The following ANKMY1 variants were observed in gnomAD, a reference collection of about 807,000 sequenced individuals.
ANKMY1 encodes ankyrin repeat and MYND domain-containing protein 1.
ANKMY1 carries 98 observed loss-of-function variants against 102.0 expected under a neutral mutation model. That is an observed-to-expected ratio of 0.96 (90% CI 0.82 to 1.14). The LOEUF (loss-of-function observed/expected upper bound fraction) is 1.14, where lower values mean the gene tolerates loss of function less well. ANKMY1 is among the 50% of genes most tolerant of loss of function. The pLI is 0.00. For synonymous variants in ANKMY1, 582 were observed against 559.9 expected, an observed-to-expected ratio of 1.04 and a Z score of -0.56; for missense variants, 1,330 against 1,347.6, an observed-to-expected ratio of 0.99 and a Z score of 0.20.
intron 5 of ANKMY1, 45 bp downstream of exon 5, chr2:240,528,992 G>A: frequency 1.3e-6 from 2 of 1,579,312 alleles, no homozygotes; most frequent in Non-Finnish European, 1.7e-6. Flanking sequence ...AGGGCAGCCT[G>A]CACAGTGCAC....
intron 4 of ANKMY1, among the ~76,000 whole-genome samples, chr2:240,551,295 A>G (rs1029298247): frequency 6.6e-6 from 1 of 152,156 alleles, no homozygotes; most frequent in African/African-American, 2.4e-5. Flanking sequence ...AATTTGAGTC[A>G]TATTTCTCTC....
chr2:240,547,980 A>T (rs966800230), intron 4 of ANKMY1, among the ~76,000 whole-genome samples: 1 of 152,238 alleles, frequency 6.6e-6, no homozygotes. Flanking sequence ...TCGAATCAAT[A>T]AAAAAAGAGG....
the ANKMY1 span, among the ~76,000 whole-genome samples, chr2:240,469,994 A>T: frequency 2.6e-4 from 39 of 152,230 alleles, no homozygotes; most frequent in African/African-American, 8.7e-4. Context: ...GTAGACAGGT[A>T]CACATGCCCA....
At chr2:240,500,256 G>C (rs1170298913) in intron 14 of ANKMY1, 133 bp from the exon 15 acceptor site, 7 of 1,258,812 alleles carry the variant, frequency 5.6e-6, no homozygotes. Context: ...GACACACAAA[G>C]CTGGGAGCAC....
rs199579343 is a variant in ANKMY1, at chr2:240,526,412, G to T, written c.987C>A (p.Gly329=). The change falls in exon 6 of 18, where the codon GGC becomes GGA. Residue 329 remains glycine, a synonymous_variant. Coordinates refer to ENST00000401804, the MANE Select transcript of ANKMY1 (RefSeq NM_001282771.3). ...CACTGCGCTTCCCCTCCAGGATGGC[G>T]CCCATGTTCCAGCTGGTGTGAGCTG... is the stretch of plus-strand genomic sequence containing the variant. The part of the protein sequence containing the change: ...NKPAHTSWNM[G]AILEGKRSGF... 1 of 1,614,014 alleles carries T rather than the reference G, an allele frequency of 6.2e-7. No homozygotes were observed. The highest frequency in any genetic ancestry group is 1.1e-5 in the South Asian group (1 of 91,092).
At chr2:240,492,891 C>T (rs572961405) in intron 15 of ANKMY1, among the ~76,000 whole-genome samples, 35 of 152,278 alleles carry the variant, frequency 2.3e-4, no homozygotes, top group Admixed American at 7.2e-4. Context: ...GGTTTCACCA[C>T]GTTGGCCAGG....
Position 240,557,270 on chromosome 2 carries a change from G to A in ANKMY1, c.66C>T (p.Arg22=). ...TCTCGCCGCCCTTCCCCTCTAGCGG[G>A]CGTTGGCGGCTGCCAGCCCCAGAGA... ...DEVSGAGSRQ[R]PLEGKGGETP... Residue 22 remains arginine, a synonymous_variant, in exon 2 of 18, where the codon CGC becomes CGT. Coordinates refer to ENST00000401804, the MANE Select transcript of ANKMY1 (RefSeq NM_001282771.3). The A allele has an allele frequency of 6.3e-7, 1 of 1,594,230 alleles. No individual in the cohort carries two copies. Among genetic ancestry groups the A allele is most frequent in the Non-Finnish European group, 8.5e-7 (1 of 1,169,630 alleles).
At chr2:240,554,553 G>C in intron 3 of ANKMY1, 1 of 289,770 alleles carries the variant, frequency 3.5e-6, no homozygotes, top group Non-Finnish European at 6.5e-6. Flanking sequence ...CTAGACACAG[G>C]CAATTTCACC....
downstream of ANKMY1, among the ~76,000 whole-genome samples, chr2:240,478,628 T>A (rs1191950545): frequency 6.6e-6 from 1 of 152,024 alleles, no homozygotes; most frequent in East Asian, 1.9e-4. Context: ...AGCTTGTCCC[T>A]CTGCCCAGGC....
chr2:240,470,614 AAAAG>A, the ANKMY1 span, among the ~76,000 whole-genome samples: 1 of 152,212 alleles, frequency 6.6e-6, no homozygotes, highest in African/African-American at 2.4e-5. Flanking sequence ...AAAGCACAAA[AAAAG>A]AGCCAGTAAA....
rs145173093 is a variant in ANKMY1, at chr2:240,525,751, G to A, written c.1269C>T (p.Phe423=). The A allele has an allele frequency of 1.2e-6, 2 of 1,614,050 alleles. No individual in the cohort carries two copies. Among genetic ancestry groups the A allele is most frequent in the East Asian group, 2.2e-5 (1 of 44,896 alleles). ...DEGLTALSMC[F]LLHYPAQSFK... ...AGGACTGGGCGGGGTAGTGGAGGAGGAAACACATGCTGAGTGCCGTGAGAC... is the reference window on the plus strand; with the variant it reads ...AGGACTGGGCGGGGTAGTGGAGGAGAAAACACATGCTGAGTGCCGTGAGAC... The change falls in exon 7 of 18, where the codon TTC becomes TTT. Residue 423 remains phenylalanine, a synonymous_variant. Coordinates refer to ENST00000401804, the MANE Select transcript of ANKMY1 (RefSeq NM_001282771.3).
At position 240,495,668 on chromosome 2, in the gene ANKMY1, T is replaced by C. The variant is rs2077163590; in HGVS notation, c.2806+4290A>G. The stretch of plus-strand genomic sequence containing the variant: ...CAATAAATAACAGCACAGTCTGGCA[T>C]TCAGGGATGCTACCGGTCTCTACGT... On this transcript the variant is annotated intron_variant, in intron 15 of 17. Coordinates refer to ENST00000401804, the MANE Select transcript of ANKMY1 (RefSeq NM_001282771.3). 2.0e-5 allele frequency among the ~76,000 whole-genome samples: 3 copies of C among 152,120 alleles called. No individual in the cohort carries two copies. In the South Asian group the frequency reaches 6.2e-4, roughly 32 times the overall value.
chr2:240,533,462 A>T (rs1319715561), intron 4 of ANKMY1, among the ~76,000 whole-genome samples: 3 of 152,210 alleles, frequency 2.0e-5, no homozygotes, highest in Non-Finnish European at 4.4e-5. Flanking sequence ...ATTATTTTTT[A>T]AAAATATTTT....
upstream of ANKMY1, chr2:240,560,178 A>G (rs2092824101): frequency 6.5e-6 from 1 of 153,346 alleles, no homozygotes; most frequent in Non-Finnish European, 1.5e-5. Flanking sequence ...TAAAGCCGAC[A>G]ACGCAGTCAC....
chr2:240,508,126 A>G (rs1368796971), intron 12 of ANKMY1, among the ~76,000 whole-genome samples: 1 of 152,244 alleles, frequency 6.6e-6, no homozygotes, highest in Non-Finnish European at 1.5e-5. Flanking sequence ...ACCAGTGTCA[A>G]TGTGACCACT....
chr2:240,519,304 T>A lies in ANKMY1; in HGVS notation c.2004+1058A>T, dbSNP rs529935779. Among the ~76,000 whole-genome samples the A allele has an allele frequency of 3.9e-5, 6 of 152,206 alleles. No individual in the cohort carries two copies. In the East Asian group the frequency reaches 9.7e-4, roughly 25 times the overall value. On this transcript the variant is annotated intron_variant, in intron 9 of 17. Transcript: ENST00000401804. ...TGGTCTAGATGTTAAATTAGAGAAA[T>A]GATTGTAGGGTCCTTCAAAATACAA...
At chr2:240,550,354 G>T (rs2091273107) in intron 4 of ANKMY1, among the ~76,000 whole-genome samples, 2 of 128,608 alleles carry the variant, frequency 1.6e-5, no homozygotes, top group African/African-American at 5.9e-5. Context: ...CACACTCTGG[G>T]GACTGCTGTG....
intron 6 of ANKMY1, 150 bp from the exon 7 acceptor site, chr2:240,525,999 G>T: frequency 1.8e-6 from 2 of 1,098,278 alleles, no homozygotes; most frequent in Non-Finnish European, 2.6e-6. Context: ...GACAAGTGTG[G>T]GACAGAGGAA....
chr2:240,510,057 C>A (rs965147499), intron 11 of ANKMY1, among the ~76,000 whole-genome samples: 5 of 144,674 alleles, frequency 3.5e-5, no homozygotes, highest in African/African-American at 5.2e-5. Flanking sequence ...TGCTCTCCTT[C>A]CCCATTCTTG....
Sources: allele counts gnomAD v4.1 joint callset (sites outside exome capture counted in the v4.1 genomes callset), GRCh38; gene constraint gnomAD v4.1.1; transcripts MANE v1.5; gene names NCBI Gene and HGNC (gene_info 2026-07-23, HGNC 2026-07-21).